Variants in QRICH2 observed in about 807,000 individuals in gnomAD.
QRICH2 encodes the protein glutamine-rich protein 2.
A neutral mutation model predicts 168.3 loss-of-function variants in QRICH2; 119 were observed. The observed-to-expected ratio is 0.71, with a 90% CI of 0.61 to 0.82. QRICH2 has a LOEUF of 0.82. Among genes scored for constraint, QRICH2 ranks in the 40% least tolerant of loss-of-function variants. QRICH2 has a pLI of 0.00. For synonymous variants in QRICH2, 894 were observed against 951.2 expected, an observed-to-expected ratio of 0.94 and a Z score of 1.11; for missense variants, 2,241 against 2,491.6, an observed-to-expected ratio of 0.90 and a Z score of 2.14.
chr17:76,308,759 C>G (rs1421946669), upstream of QRICH2, among the ~76,000 whole-genome samples: 1 of 151,584 alleles, frequency 6.6e-6, no homozygotes, highest in Non-Finnish European at 1.5e-5. Context: ...TTTTTTTTTA[C>G]TTTTGAGAGG....
intron 12 of QRICH2, 91 bp from the exon 13 acceptor site, chr17:76,279,519 C>G: frequency 1.0e-6 from 1 of 980,112 alleles, no homozygotes; most frequent in Non-Finnish European, 1.6e-6. Flanking sequence ...GAAGCTCAGC[C>G]CACCAGGGTG....
At chr17:76,279,323 C>T in intron 13 of QRICH2, 40 bp downstream of exon 13, 1 of 1,562,586 alleles carries the variant, frequency 6.4e-7, no homozygotes, top group Non-Finnish European at 8.8e-7. Context: ...AGACGCAGCC[C>T]TGCCATGCGA....
In QRICH2 at chr17:76,304,844, C is replaced by T. The variant is rs779036729; in HGVS notation, c.594+38G>A. ...GGCCACACTGAGAGACGGCCAGCCC[C>T]CTGGAGAGCCCTTTCCCATGGAACT... On this transcript the variant is annotated intron_variant, in intron 2 of 18. Transcript: ENST00000680821. 4 of 1,480,012 alleles carry T rather than the reference C, an allele frequency of 2.7e-6. No individual in the cohort carries two copies. In the Admixed American group the frequency reaches 6.7e-5, roughly 25 times the overall value. 91.7% of individuals were successfully genotyped at this position (1,480,012 alleles called of 1,614,324 possible).
chr17:76,276,063 G>A, intron 17 of QRICH2, 116 bp from the exon 18 acceptor site: 5 of 1,255,030 alleles, frequency 4.0e-6, no homozygotes, highest in Non-Finnish European at 4.4e-6. Flanking sequence ...CCTCAGCTGA[G>A]TGGGGTCCTC....
Position 76,284,168 on chromosome 17 carries a change from C to CAAAAAAAAAAAAAAAAAAA in QRICH2, c.4012-2072_4012-2054dup, listed in dbSNP as rs61553346. ...GGGCAACAGAGCAAAACTCTGTCTCCAAAAAAAAAAAAAAAAAAAAAAAAA... is the reference window on the plus strand; with the variant it reads ...GGGCAACAGAGCAAAACTCTGTCTCCAAAAAAAAAAAAAAAAAAAAAAAAAAAAAAAAAAAAAAAAAAAA... On this transcript the variant is annotated intron_variant, in intron 7 of 18. Transcript: ENST00000680821. 4.6e-4 allele frequency among the ~76,000 whole-genome samples: 29 copies of CAAAAAAAAAAAAAAAAAAA among 62,746 alleles called. 1 individual carries two copies. The highest frequency in any genetic ancestry group is 8.8e-3 in the Middle Eastern group (1 of 114). The allele number at this position is 62,746 out of a possible 152,430, so 41.2% of individuals were successfully genotyped here. A position where few individuals can be genotyped will look rare whatever the true frequency, so the allele number is the denominator to read the frequency against.
rs1568120685 is a variant in QRICH2, at chr17:76,293,564, T to C, written c.1163A>G (p.Asp388Gly). 4 of 1,614,172 alleles carry C rather than the reference T, an allele frequency of 2.5e-6. No individual in the cohort carries two copies. The highest frequency in any genetic ancestry group is 2.5e-6 in the Non-Finnish European group (3 of 1,180,024). Reference protein sequence around the residue: ...ASQSQVHLRPDRRGLEPTGMN... With the variant: ...ASQSQVHLRPGRRGLEPTGMN... Reference sequence around the variant, plus strand: ...GCCAGTTGGTTCTAACCCACGACGATCTGGCCTTAGATGGACCTGACTCTG... The same window carrying C: ...GCCAGTTGGTTCTAACCCACGACGACCTGGCCTTAGATGGACCTGACTCTG... Residue 388 changes from aspartate to glycine, a missense_variant, in exon 4 of 19, where the codon GAT (aspartate) becomes GGT (glycine). By Grantham distance (94) the Asp-to-Gly change is moderately conservative (BLOSUM62 -1). Around this residue, in one of 3 missense-constraint regions of QRICH2, gnomAD observed 2,047 missense variants for 2,303.8 expected, o/e 0.89. Transcript: ENST00000680821.
chr17:76,300,320 C>G (rs908876222), intron 3 of QRICH2, among the ~76,000 whole-genome samples: 1 of 151,966 alleles, frequency 6.6e-6, no homozygotes, highest in Non-Finnish European at 1.5e-5. Flanking sequence ...ACTCCAAAAG[C>G]AAATAAAGAT....
At position 76,276,702 on chromosome 17, in the gene QRICH2, C is replaced by T; in HGVS notation, c.5331G>A (p.Leu1777=). 1 of 1,613,836 alleles carries T rather than the reference C, an allele frequency of 6.2e-7. No homozygotes were observed. The highest frequency in any genetic ancestry group is 8.5e-7 in the Non-Finnish European group (1 of 1,179,934). ...CACTGTCTTTTCGGAGGATGCCTGG[C>T]AGCCTTGTGTCCATCCGTCCCTTGT... ...HIYKGRMDTR[L]PGILRKDSSG... Residue 1777 remains leucine, a synonymous_variant, in exon 17 of 19, where the codon CTG becomes CTA. Coordinates refer to ENST00000680821, the MANE Select transcript of QRICH2 (RefSeq NM_001388453.1).
At position 76,291,647 on chromosome 17, in the gene QRICH2, G is replaced by A. The variant is rs755596253; in HGVS notation, c.3080C>T (p.Ala1027Val). 3.1e-5 allele frequency: 50 copies of A among 1,614,004 alleles called. No homozygotes were observed. The highest frequency in any genetic ancestry group is 4.1e-5 in the Non-Finnish European group (48 of 1,180,022). ...ACCAGGTGATGCCAAACCTTGACTG[G>A]CTAGGAGTGGTGACACCTGGCCGTA... ...EQYGQVSPLL[A>V]SQGLASPGID... is the part of the protein sequence containing the mutation. The change falls in exon 4 of 19, where the codon GCC becomes GTC. Residue 1027 changes from alanine (A) to valine (V), a missense_variant. By Grantham distance (64) the Ala-to-Val change is moderately conservative. This residue lies in a region of QRICH2 where 2,047 missense variants were observed against 2,303.8 expected (regional missense o/e 0.89). Transcript: ENST00000680821.
intron 3 of QRICH2, 42 bp downstream of exon 3, chr17:76,304,373 G>A: frequency 3.8e-6 from 5 of 1,320,724 alleles, no homozygotes; most frequent in South Asian, 3.6e-5. Context: ...AAGTTCTGGG[G>A]AGCCCCACCC....
rs201256631 is a variant in QRICH2, at chr17:76,292,271, C to A, written c.2456G>T (p.Arg819Leu). The A allele has an allele frequency of 6.2e-7, 1 of 1,600,886 alleles. No homozygotes were observed. The highest frequency in any genetic ancestry group is 8.5e-7 in the Non-Finnish European group (1 of 1,175,478). Residue 819 changes from arginine (R) to leucine (L), a missense_variant, in exon 4 of 19, where the codon CGT becomes CTT. By Grantham distance (102) the Arg-to-Leu change is moderately radical (BLOSUM62 -2). Transcript: ENST00000680821. ...ATCCACTCCAGGTTGGACCAAACCA[C>A]GCTGAACTGCACCAGGTTGCACCAA... Reference protein sequence around the residue: ...RGLVQPGAVQRGLVQPGVDQR... With the variant: ...RGLVQPGAVQLGLVQPGVDQR...
chr17:76,289,190 T>TA (rs2070944011), intron 5 of QRICH2, among the ~76,000 whole-genome samples: 1 of 152,044 alleles, frequency 6.6e-6, no homozygotes, highest in South Asian at 2.1e-4. Flanking sequence ...CATCAGTTTT[T>TA]AAAAAAAATT....
Position 76,274,189 on chromosome 17 carries a change from GC to G in QRICH2, c.5553del (p.Ser1853AlafsTer41), listed in dbSNP as rs2070629111. 4 of 1,591,618 alleles carry G rather than the reference GC, an allele frequency of 2.5e-6. No individual in the cohort carries two copies. The highest frequency in any genetic ancestry group is 3.4e-6 in the Non-Finnish European group (4 of 1,172,744). On this transcript the variant is annotated frameshift_variant, in exon 19 of 19. Coordinates refer to ENST00000680821, the MANE Select transcript of QRICH2 (RefSeq NM_001388453.1). LOFTEE classifies it low-confidence loss of function (END_TRUNC). Reference protein sequence around the residue: ...GRLSQPNTAHPPSSAAVANRG... With the variant: ...GRLSQPNTAHXPSSAAVANRG... Reference sequence around the variant, plus strand: ...CTGTTTGCCACCGCGGCGGAGCTGGGCGGGTGGGCTGTGTTCGGCTGGGAGA... The same window carrying G: ...CTGTTTGCCACCGCGGCGGAGCTGGGGGGTGGGCTGTGTTCGGCTGGGAGA...
At chr17:76,274,826 T>TC (rs972225019) in intron 18 of QRICH2, among the ~76,000 whole-genome samples, 1 of 152,182 alleles carries the variant, frequency 6.6e-6, no homozygotes, top group Non-Finnish European at 1.5e-5. Context: ...GCAAGGACCT[T>TC]CACCTCTCTG....
At chr17:76,294,794 C>G (rs1158080786) in intron 3 of QRICH2, among the ~76,000 whole-genome samples, 1 of 137,324 alleles carries the variant, frequency 7.3e-6, no homozygotes, top group Admixed American at 7.8e-5. Flanking sequence ...GCCTGGGTGA[C>G]AGAGTGAGAC....
rs746594607 is a variant in QRICH2 at position 76,279,398 on chromosome 17, T to C, written c.4779A>G (p.Ser1593=). The part of the protein sequence containing the change: ...RQLLAHFHCL[S]CDRPLETPVT... The stretch of plus-strand genomic sequence containing the variant: ...CAGGTGTCTCCAAGGGCCGGTCACA[T>C]GAGAGGCAGTGGAAATGTGCCAGGA... The change falls in exon 13 of 19, where the codon TCA becomes TCG. Residue 1593 remains serine (S), a synonymous_variant. Transcript: ENST00000680821. 11 of 1,611,056 alleles carry C rather than the reference T, an allele frequency of 6.8e-6. No individual in the cohort carries two copies. In the Admixed American group the frequency reaches 1.7e-4, roughly 24 times the overall value.
intron 15 of QRICH2, among the ~76,000 whole-genome samples, chr17:76,277,651 C>T (rs560025807): frequency 2.0e-4 from 31 of 151,772 alleles, no homozygotes; most frequent in African/African-American, 7.0e-4. Flanking sequence ...CATACATACT[C>T]ATACACATGC....
At chr17:76,308,635 C>T (rs1036881358), upstream of QRICH2, 3 of 309,966 alleles carry the variant, frequency 9.7e-6, no homozygotes, top group Admixed American at 1.3e-4. Flanking sequence ...ATATTTTGTT[C>T]AATCAAAGGT....
intron 5 of QRICH2, among the ~76,000 whole-genome samples, chr17:76,289,009 C>T (rs965820443): frequency 6.7e-6 from 1 of 149,822 alleles, no homozygotes; most frequent in African/African-American, 2.5e-5. Flanking sequence ...GAGGCTGAGG[C>T]AGGAAAATGG....
Sources: allele counts gnomAD v4.1 joint callset (sites outside exome capture counted in the v4.1 genomes callset), GRCh38; gene constraint gnomAD v4.1.1; regional missense constraint gnomAD v4.1.1; transcripts MANE v1.5; gene names NCBI Gene and HGNC (gene_info 2026-07-23, HGNC 2026-07-21).